APBB2: variants seen among roughly 807,000 people sequenced by gnomAD.
APBB2 encodes Fe65-like 1.
Under a neutral mutation model 82.5 loss-of-function variants are expected in APBB2, and 38 were observed. The ratio of observed to expected loss-of-function variants is 0.46; its 90% CI spans 0.36 to 0.60. The LOEUF (loss-of-function observed/expected upper bound fraction) is 0.60. APBB2 is among the 20% of genes least tolerant of loss of function. The pLI, the probability that APBB2 is intolerant of heterozygous loss-of-function variation, is 0.00. For synonymous variants in APBB2, 341 were observed against 368.2 expected (o/e 0.93, Z 0.85); for missense variants, 772 against 972.3 (o/e 0.79, Z 2.74).
chr4:41,193,548 G>A, intron 1 of APBB2: 3 of 985,186 alleles, frequency 3.0e-6, no homozygotes, highest in Non-Finnish European at 3.6e-6. Context: ...CTCTCCGAAT[G>A]GAAACCAGGG....
intron 5 of APBB2, among the ~76,000 whole-genome samples, chr4:41,025,960 A>AAAAAAAAAG (rs1560556006): frequency 6.7e-6 from 1 of 150,170 alleles, no homozygotes; most frequent in African/African-American, 2.5e-5. Flanking sequence ...AAAAAAAAAA[A>AAAAAAAAAG]AAAGAAAAAA....
intron 3 of APBB2, among the ~76,000 whole-genome samples, chr4:41,073,277 C>T (rs1734503277): frequency 6.6e-6 from 1 of 152,108 alleles, no homozygotes; most frequent in Admixed American, 6.5e-5. Flanking sequence ...GTAAAAATTC[C>T]CCATTATGAT....
At chr4:40,852,182 T>C (rs1438667391) in intron 12 of APBB2, among the ~76,000 whole-genome samples, 1 of 149,954 alleles carries the variant, frequency 6.7e-6, no homozygotes, top group East Asian at 1.9e-4. Context: ...AAACCCCGTC[T>C]CTACTAAAAA....
chr4:41,031,524 A>G (rs1255427099), intron 5 of APBB2, among the ~76,000 whole-genome samples: 2 of 151,524 alleles, frequency 1.3e-5, no homozygotes, highest in African/African-American at 2.4e-5. Flanking sequence ...TAACTGTTCC[A>G]GTATCTCTTA....
intron 1 of APBB2, among the ~76,000 whole-genome samples, chr4:41,147,957 A>T (rs1379235605): frequency 6.6e-6 from 1 of 152,116 alleles, no homozygotes; most frequent in East Asian, 1.9e-4. Flanking sequence ...AACTTACTTA[A>T]AAAAAAGTAT....
rs1450546670 is a variant in APBB2 at position 40,826,058 on chromosome 4, A to G, written c.1733-88T>C. 1.0e-6 allele frequency: 1 copy of G among 972,240 alleles called. No homozygotes were observed. Among genetic ancestry groups the G allele is most frequent in the Non-Finnish European group, 1.7e-6 (1 of 595,926 alleles). The allele number at this position is 972,240 out of a possible 1,614,324, so 60.2% of individuals were successfully genotyped here. A position where few individuals can be genotyped will look rare whatever the true frequency, so the allele number is the denominator to read the frequency against. On this transcript the variant is annotated intron_variant, in intron 14 of 17. Coordinates refer to ENST00000508593, the MANE Select transcript of APBB2 (RefSeq NM_004307.2). This position sits in a 1 kb window ranked among gnomAD's most constrained non-coding sequence, Gnocchi z 4.5. ...GTGGCTCTGCATCATCTGAATGCTC[A>G]GGACACGCCCTGTGCCATAACGCCC...
intron 6 of APBB2, among the ~76,000 whole-genome samples, chr4:40,999,313 A>G (rs1804502161): frequency 6.6e-6 from 1 of 152,148 alleles, no homozygotes; most frequent in Admixed American, 6.5e-5. Context: ...GTCTGGTGGT[A>G]TGTACCTGTG....
chr4:40,891,239 TA>T (rs1560809567), intron 11 of APBB2, among the ~76,000 whole-genome samples: 1 of 152,214 alleles, frequency 6.6e-6, no homozygotes, highest in Non-Finnish European at 1.5e-5. Context: ...ACTCCTGCAC[TA>T]TCTTTCAGAG....
chr4:41,103,395 C>T (rs193198905), intron 2 of APBB2, among the ~76,000 whole-genome samples: 132 of 152,174 alleles, frequency 8.7e-4, no homozygotes, highest in African/African-American at 2.9e-3. Flanking sequence ...ATTAAAAAGA[C>T]TCTAAATTTT....
At chr4:40,875,783 A>G (rs1269756730) in intron 12 of APBB2, among the ~76,000 whole-genome samples, 3 of 151,866 alleles carry the variant, frequency 2.0e-5, no homozygotes, top group African/African-American at 7.2e-5. Context: ...GTTACAAGTA[A>G]TGTTTGCAAC....
At chr4:40,940,368 C>T (rs1786542238) in intron 7 of APBB2, among the ~76,000 whole-genome samples, 1 of 152,160 alleles carries the variant, frequency 6.6e-6, no homozygotes, top group South Asian at 2.1e-4. Flanking sequence ...GGTTCCCAGG[C>T]CCCATCCCAT....
intron 2 of APBB2, among the ~76,000 whole-genome samples, chr4:41,121,159 T>C (rs1415273108): frequency 7.2e-5 from 11 of 152,238 alleles, no homozygotes; most frequent in Non-Finnish European, 1.6e-4. Flanking sequence ...AAACTGAATA[T>C]AGTTCCCCAA....
At chr4:41,098,026 C>T (rs1744151464) in intron 3 of APBB2, among the ~76,000 whole-genome samples, 1 of 151,880 alleles carries the variant, frequency 6.6e-6, no homozygotes, top group South Asian at 2.1e-4. Context: ...CCCTCCCGTC[C>T]CCTCCCATTA....
chr4:41,000,445 A>T (rs954113794), intron 6 of APBB2, among the ~76,000 whole-genome samples: 3 of 152,120 alleles, frequency 2.0e-5, no homozygotes, highest in Non-Finnish European at 4.4e-5. Context: ...CTTATAAAGC[A>T]GATTACTACT....
intron 1 of APBB2, among the ~76,000 whole-genome samples, chr4:41,180,177 G>A (rs780597639): frequency 1.3e-5 from 2 of 152,228 alleles, no homozygotes; most frequent in Non-Finnish European, 2.9e-5. Context: ...GTGTAAGGCA[G>A]CATGCCTGAC....
At chr4:40,951,790 G>T (rs1224549277) in intron 6 of APBB2, among the ~76,000 whole-genome samples, 4 of 152,224 alleles carry the variant, frequency 2.6e-5, no homozygotes, top group Non-Finnish European at 5.9e-5. Context: ...GAGGTCTCAA[G>T]AAGCCAATAC....
At chr4:40,867,469 T>C (rs1306023400) in intron 12 of APBB2, among the ~76,000 whole-genome samples, 1 of 152,214 alleles carries the variant, frequency 6.6e-6, no homozygotes, top group Non-Finnish European at 1.5e-5. Context: ...TCAGAGGGAA[T>C]GAGTGAACTC....
chr4:40,895,426 C>T lies in APBB2; in HGVS notation c.1255-2015G>A, dbSNP rs548851522. Among the ~76,000 whole-genome samples, 4 of 152,346 alleles carry T rather than the reference C, an allele frequency of 2.6e-5. No homozygotes were observed. In the South Asian group the frequency reaches 6.2e-4, roughly 24 times the overall value. On this transcript the variant is annotated intron_variant, in intron 10 of 17. Coordinates refer to ENST00000508593, the MANE Select transcript of APBB2 (RefSeq NM_004307.2). ...ATGTATACACACTGCAGGGAACCAG[C>T]CCGATGGTGAAGAGGAGGTCCCGGG...
intron 10 of APBB2, among the ~76,000 whole-genome samples, chr4:40,902,634 A>G (rs1775640846): frequency 6.6e-6 from 1 of 152,186 alleles, no homozygotes; most frequent in African/African-American, 2.4e-5. Context: ...CCCAGGCTCA[A>G]GCAATCCTTC....
Sources: allele counts gnomAD v4.1 joint callset (sites outside exome capture counted in the v4.1 genomes callset), GRCh38; gene constraint gnomAD v4.1.1; non-coding constraint Gnocchi (gnomAD v3.1); transcripts MANE v1.5; gene names NCBI Gene and HGNC (gene_info 2026-07-23, HGNC 2026-07-21).